The following SEPTIN9 variants were observed in gnomAD, a reference collection of about 807,000 sequenced individuals.
SEPTIN9 encodes septin 9.
A neutral mutation model predicts 56.6 loss-of-function variants in SEPTIN9; 13 were observed. The observed-to-expected ratio is 0.23, with a 90% CI of 0.15 to 0.37. The LOEUF is 0.37. SEPTIN9 is among the 10% of genes least tolerant of loss of function. The pLI is 1.00. For synonymous variants in SEPTIN9, 332 were observed against 334.1 expected, an observed-to-expected ratio of 0.99 and a Z score of 0.07; for missense variants, 650 against 823.1, an observed-to-expected ratio of 0.79 and a Z score of 2.57.
At chr17:77,406,391 C>T (rs1249373821) in intron 3 of SEPTIN9, among the ~76,000 whole-genome samples, 3 of 152,200 alleles carry the variant, frequency 2.0e-5, no homozygotes, top group Admixed American at 6.5e-5. Flanking sequence ...CCAAATACCT[C>T]GTGTTTGGCT....
At chr17:77,447,352 G>A (rs1467483428) in intron 3 of SEPTIN9, among the ~76,000 whole-genome samples, 2 of 152,128 alleles carry the variant, frequency 1.3e-5, no homozygotes, top group East Asian at 3.9e-4. Flanking sequence ...CAGCCCCCAC[G>A]TCTGCATCGC....
intron 2 of SEPTIN9, among the ~76,000 whole-genome samples, chr17:77,362,838 G>A (rs780017191): frequency 3.3e-5 from 5 of 152,194 alleles, no homozygotes; most frequent in Non-Finnish European, 7.3e-5. Flanking sequence ...TTCATCTGAC[G>A]ATCCCAGGAA....
At chr17:77,431,916 C>T (rs1568064531) in intron 3 of SEPTIN9, among the ~76,000 whole-genome samples, 1 of 151,900 alleles carries the variant, frequency 6.6e-6, no homozygotes, top group Non-Finnish European at 1.5e-5. Flanking sequence ...CCAAGACTTG[C>T]CCTGTAAAAG....
chr17:77,285,810 C>T (rs2031250150), intron 1 of SEPTIN9, among the ~76,000 whole-genome samples: 1 of 152,232 alleles, frequency 6.6e-6, no homozygotes, highest in South Asian at 2.1e-4. Context: ...GGAGGCTGCA[C>T]CCACACAGGA....
rs1231754571 is a variant in SEPTIN9, at chr17:77,318,375, C to T, written c.76+11178C>T. 2.0e-5 allele frequency among the ~76,000 whole-genome samples: 3 copies of T among 152,066 alleles called. No individual in the cohort carries two copies. Among genetic ancestry groups the T allele is most frequent in the Admixed American group, 6.5e-5 (1 of 15,268 alleles). On this transcript the variant is annotated intron_variant, in intron 2 of 11. Coordinates refer to ENST00000427177, the MANE Select transcript of SEPTIN9 (RefSeq NM_001113491.2). This position sits in a 1 kb window ranked among gnomAD's most constrained non-coding sequence, Gnocchi z 4.9. ...TGAGCACCGAGACTGCCTTTAGGGACCACCTAGACCATCCAGGGTGCTCTC... is the reference window on the plus strand; with the variant it reads ...TGAGCACCGAGACTGCCTTTAGGGATCACCTAGACCATCCAGGGTGCTCTC...
chr17:77,346,355 T>G (rs1172951988), intron 2 of SEPTIN9, among the ~76,000 whole-genome samples: 1 of 145,594 alleles, frequency 6.9e-6, no homozygotes, highest in East Asian at 2.1e-4. Context: ...AAGCACTAGC[T>G]TCAGCCTACG....
At chr17:77,342,270 T>C (rs2143763425) in intron 2 of SEPTIN9, among the ~76,000 whole-genome samples, 1 of 152,318 alleles carries the variant, frequency 6.6e-6, no homozygotes, top group South Asian at 2.1e-4. Context: ...CTTCAATTTG[T>C]AAAAAGTGCA....
intron 1 of SEPTIN9, among the ~76,000 whole-genome samples, chr17:77,288,846 T>C (rs2031397643): frequency 6.6e-6 from 1 of 152,130 alleles, no homozygotes; most frequent in African/African-American, 2.4e-5. Context: ...GTAGACACCA[T>C]GGAGGCACCG....
At chr17:77,337,498 C>G (rs968269048) in intron 2 of SEPTIN9, among the ~76,000 whole-genome samples, 2 of 151,990 alleles carry the variant, frequency 1.3e-5, no homozygotes, top group Non-Finnish European at 2.9e-5. Flanking sequence ...TCTTTGTCAG[C>G]CTCATTTTGG....
chr17:77,331,776 C>T (rs1320462520), intron 2 of SEPTIN9, among the ~76,000 whole-genome samples: 1 of 152,102 alleles, frequency 6.6e-6, no homozygotes, highest in Non-Finnish European at 1.5e-5. Context: ...GGGGTGCCTC[C>T]TTCCCCGCAC....
Position 77,434,028 on chromosome 17 carries a change from C to T in SEPTIN9, c.721+31325C>T, listed in dbSNP as rs1348626452. On this transcript the variant is annotated intron_variant, in intron 3 of 11. Transcript: ENST00000427177. The surrounding 1 kb of genome is among the most constrained non-coding windows in gnomAD (Gnocchi z 5.0). The stretch of plus-strand genomic sequence containing the variant: ...CTGTGTGAGTCTGGCGTGTTAGAAG[C>T]GCTAAGCTGCAGCTGTTCTGTGCGT... Among the ~76,000 whole-genome samples, 3 of 152,178 alleles carry T rather than the reference C, an allele frequency of 2.0e-5. No individual in the cohort carries two copies. The highest frequency in any genetic ancestry group is 6.5e-5 in the Admixed American group (1 of 15,290).
At chr17:77,419,518 C>A (rs753361601) in intron 3 of SEPTIN9, among the ~76,000 whole-genome samples, 2 of 151,596 alleles carry the variant, frequency 1.3e-5, no homozygotes. Flanking sequence ...GCTGTACCTG[C>A]GACCCAGCTG....
At chr17:77,416,435 A>G (rs1020636351) in intron 3 of SEPTIN9, among the ~76,000 whole-genome samples, 47 of 152,268 alleles carry the variant, frequency 3.1e-4, no homozygotes, top group African/African-American at 1.1e-3. Flanking sequence ...ACGGAGTGTG[A>G]TGAATAACGG....
rs748632195 is a variant in SEPTIN9, at chr17:77,330,893, G to A, written c.76+23696G>A. 6.6e-5 allele frequency among the ~76,000 whole-genome samples: 10 copies of A among 152,202 alleles called. No homozygotes were observed. Among genetic ancestry groups the A allele is most frequent in the Admixed American group, 2.6e-4 (4 of 15,284 alleles). ...GCCCTCAGTCTGGGCTTGGTCTCCC[G>A]CAATTCACCCTGCCCAGCCCCACAC... On this transcript the variant is annotated intron_variant, in intron 2 of 11. Transcript: ENST00000427177. The surrounding 1 kb of genome is among the most constrained non-coding windows in gnomAD (Gnocchi z 4.4).
chr17:77,405,674 G>A lies in SEPTIN9; in HGVS notation c.721+2971G>A, dbSNP rs142626436. 6.4e-3 allele frequency among the ~76,000 whole-genome samples: 972 copies of A among 152,154 alleles called. 14 individuals carry two copies. Among genetic ancestry groups the A allele is most frequent in the African/African-American group, 0.022 (911 of 41,490 alleles). On this transcript the variant is annotated intron_variant, in intron 3 of 11. Transcript: ENST00000427177. The surrounding 1 kb of genome is among the most constrained non-coding windows in gnomAD (Gnocchi z 5.8). ...CAATGGAGGAGTGCTCTTGAAATCCGATGGGAGTGGCTTCTCGGGGGGCCC... is the reference window on the plus strand; with the variant it reads ...CAATGGAGGAGTGCTCTTGAAATCCAATGGGAGTGGCTTCTCGGGGGGCCC...
At chr17:77,320,503 A>T (rs1341731319) in intron 2 of SEPTIN9, among the ~76,000 whole-genome samples, 2 of 152,228 alleles carry the variant, frequency 1.3e-5, no homozygotes, top group Non-Finnish European at 2.9e-5. Context: ...TCGTGGGATG[A>T]ACTCCGTCTC....
At chr17:77,304,951 G>A (rs749809476) in intron 1 of SEPTIN9, among the ~76,000 whole-genome samples, 7 of 152,058 alleles carry the variant, frequency 4.6e-5, no homozygotes, top group Non-Finnish European at 7.4e-5. Flanking sequence ...CTTGGGAGTG[G>A]GGTTCATCCT....
Position 77,476,038 on chromosome 17 carries a change from T to A in SEPTIN9, c.722-6106T>A, listed in dbSNP as rs2143116126. Reference sequence around the variant, plus strand: ...GGTGCAGGCCCGGCTGTCACTCCCCTGGAGCTGGGAATGGCATTGGGCGGT... The same window carrying A: ...GGTGCAGGCCCGGCTGTCACTCCCCAGGAGCTGGGAATGGCATTGGGCGGT... On this transcript the variant is annotated intron_variant, in intron 3 of 11. Transcript: ENST00000427177. This position sits in a 1 kb window ranked among gnomAD's most constrained non-coding sequence, Gnocchi z 6.0. 1.1e-6 allele frequency: 1 copy of A among 949,042 alleles called. No homozygotes were observed. The highest frequency in any genetic ancestry group is 2.3e-5 in the Admixed American group (1 of 44,432). 58.8% of individuals were successfully genotyped at this position (949,042 alleles called of 1,614,324 possible). A position where few individuals can be genotyped will look rare whatever the true frequency, so the allele number is the denominator to read the frequency against.
In SEPTIN9 at chr17:77,402,273, C is replaced by T; in HGVS notation, c.291C>T (p.Gly97=). The stretch of plus-strand genomic sequence containing the variant: ...CCCTGCGGAGGGTGGAGCTCTCGGG[C>T]CCCAAGGCGGCCGAGCCGGTGTCCC... ...KASLRRVELS[G]PKAAEPVSRR... is the part of the protein sequence containing the mutation. The change falls in exon 3 of 12, where the codon GGC becomes GGT. Residue 97 remains glycine (G), a synonymous_variant. Coordinates refer to ENST00000427177, the MANE Select transcript of SEPTIN9 (RefSeq NM_001113491.2). This position sits in a 1 kb window ranked among gnomAD's most constrained non-coding sequence, Gnocchi z 6.6. 6.2e-7 allele frequency: 1 copy of T among 1,612,398 alleles called. No individual in the cohort carries two copies. The highest frequency in any genetic ancestry group is 8.5e-7 in the Non-Finnish European group (1 of 1,179,752).
Sources: allele counts gnomAD v4.1 joint callset (sites outside exome capture counted in the v4.1 genomes callset), GRCh38; gene constraint gnomAD v4.1.1; non-coding constraint Gnocchi (gnomAD v3.1); transcripts MANE v1.5; gene names NCBI Gene and HGNC (gene_info 2026-07-23, HGNC 2026-07-21).